ZNF180: variants seen among roughly 807,000 people sequenced by gnomAD.
ZNF180 encodes the protein zinc finger protein 180 (HHZ168).
In ZNF180, 11 loss-of-function variants were observed where a neutral mutation model predicts 11.8. The observed-to-expected ratio is 0.93, with a 90% CI of 0.59 to 1.55. The LOEUF is 1.55. Ranked by LOEUF, ZNF180 falls within the 40% of genes most tolerant of loss-of-function variation. The probability of loss-of-function intolerance (pLI) is 0.00; values close to 1 mark genes in which losing one functional copy is unlikely to be tolerated. For synonymous variants in ZNF180, 287 were observed against 257.7 expected, an observed-to-expected ratio of 1.11 and a Z score of -1.09; for missense variants, 773 against 781.7, an observed-to-expected ratio of 0.99 and a Z score of 0.13.
chr19:44,488,212 CACGGTCT>C (rs1970294723), intron 2 of ZNF180, among the ~76,000 whole-genome samples: 1 of 39,606 alleles, frequency 2.5e-5, no homozygotes, highest in Non-Finnish European at 4.6e-5. Context: ...CCTCTCTTTC[CACGGTCT>C]CCCTCTCCCT....
chr19:44,488,198 T>C (rs1970293047), intron 2 of ZNF180, among the ~76,000 whole-genome samples: 1 of 44,066 alleles, frequency 2.3e-5, no homozygotes, highest in Non-Finnish European at 4.2e-5. Flanking sequence ...ACGGTCTCCC[T>C]CTCCCTCTCT....
At chr19:44,497,468 G>T in intron 1 of ZNF180, 91 bp from the exon 2 acceptor site, 1 of 1,301,572 alleles carries the variant, frequency 7.7e-7, no homozygotes, top group Non-Finnish European at 1.0e-6. Context: ...CCAGGATGCA[G>T]GATGCATTCC....
intron 3 of ZNF180, among the ~76,000 whole-genome samples, chr19:44,482,121 C>A (rs1468445574): frequency 6.6e-6 from 1 of 152,168 alleles, no homozygotes; most frequent in Non-Finnish European, 1.5e-5. Context: ...GCCTGGGCAA[C>A]ATGGTGAAAC....
chr19:44,479,505 GTGACCTGGGAGT>G, intron 3 of ZNF180, 96 bp from the exon 4 acceptor site: 1 of 1,518,552 alleles, frequency 6.6e-7, no homozygotes, highest in Non-Finnish European at 8.9e-7. Flanking sequence ...AGGAAAATTG[GTGACCTGGGAGT>G]TGTCCTTAAA....
intron 2 of ZNF180, among the ~76,000 whole-genome samples, chr19:44,493,601 A>C (rs574347978): frequency 6.6e-6 from 1 of 152,344 alleles, no homozygotes; most frequent in Non-Finnish European, 1.5e-5. Flanking sequence ...CCTAGTATTC[A>C]TGCCTTTGTG....
intron 2 of ZNF180, 175 bp from the exon 3 acceptor site, chr19:44,484,610 G>A: frequency 1.6e-6 from 1 of 619,550 alleles, no homozygotes; most frequent in Non-Finnish European, 2.9e-6. Flanking sequence ...TGTGGAGAGA[G>A]AGAGGAGATA....
At chr19:44,492,415 T>C (rs28599882) in intron 2 of ZNF180, among the ~76,000 whole-genome samples, 6,221 of 152,284 alleles carry the variant, frequency 0.041, 342 homozygotes, top group African/African-American at 0.11. Flanking sequence ...CTCTAGGTCA[T>C]AAAGGAGCAT....
rs780505738 is a variant in ZNF180, at chr19:44,477,796, G to C, written c.604C>G (p.Leu202Val). 1 of 1,613,942 alleles carries C rather than the reference G, an allele frequency of 6.2e-7. No homozygotes were observed. The highest frequency in any genetic ancestry group is 1.7e-5 in the Admixed American group (1 of 60,010). ...TGATGACTGTTTACAGCAGCATTAAGATGCCATTTTTTAGCATGTGATACA... is the reference window on the plus strand; with the variant it reads ...TGATGACTGTTTACAGCAGCATTAACATGCCATTTTTTAGCATGTGATACA... ...KHVSHAKKWH[L>V]NAAVNSHQKI... The change falls in exon 5 of 5, where the codon CTT becomes GTT. Residue 202 changes from leucine to valine, a missense_variant. Coordinates refer to ENST00000592529, the MANE Select transcript of ZNF180 (RefSeq NM_001278509.3).
intron 2 of ZNF180, among the ~76,000 whole-genome samples, chr19:44,496,063 G>A (rs1970570693): frequency 6.6e-6 from 1 of 152,106 alleles, no homozygotes; most frequent in South Asian, 2.1e-4. Context: ...CTGTTGTCCA[G>A]GCTGCAGTGC....
At position 44,477,512 on chromosome 19, in the gene ZNF180, AG is replaced by A; in HGVS notation, c.887del (p.Pro296LeufsTer22). Reference sequence around the variant, plus strand: ...TACATTTATATTGACTCTCTTCAAAAGGAATTCTCTGTTGTTCATTATGGGA... The same window carrying A: ...TACATTTATATTGACTCTCTTCAAAAGAATTCTCTGTTGTTCATTATGGGA... ...KISHNEQQRI[P>X]FEESQYKCSE... is the part of the protein sequence containing the mutation. On this transcript the variant is annotated frameshift_variant, in exon 5 of 5. Coordinates refer to ENST00000592529, the MANE Select transcript of ZNF180 (RefSeq NM_001278509.3). LOFTEE classifies it low-confidence loss of function (END_TRUNC). 6.2e-7 allele frequency: 1 copy of A among 1,614,158 alleles called. No homozygotes were observed. Among genetic ancestry groups the A allele is most frequent in the Middle Eastern group, 1.6e-4 (1 of 6,062 alleles).
intron 2 of ZNF180, among the ~76,000 whole-genome samples, chr19:44,486,492 G>A (rs1368969547): frequency 2.0e-5 from 3 of 152,196 alleles, no homozygotes; most frequent in Non-Finnish European, 4.4e-5. Flanking sequence ...AATTCAGTCT[G>A]TTAAATGATA....
chr19:44,495,950 A>G lies in ZNF180; in HGVS notation c.51+1334T>C, dbSNP rs947155804. On this transcript the variant is annotated intron_variant, in intron 2 of 4. Transcript: ENST00000592529. The surrounding 1 kb of genome is among the most constrained non-coding windows in gnomAD (Gnocchi z 4.5). ...GACTTGTTCAGGAAGAGAAAGGAGA[A>G]GCTCTAATTTAACAGTTTTAAGAAA... 6.6e-6 allele frequency among the ~76,000 whole-genome samples: 1 copy of G among 152,236 alleles called. No individual in the cohort carries two copies. Among genetic ancestry groups the G allele is most frequent in the African/African-American group, 2.4e-5 (1 of 41,468 alleles).
intron 3 of ZNF180, among the ~76,000 whole-genome samples, chr19:44,481,657 G>C (rs527847033): frequency 3.3e-5 from 5 of 152,276 alleles, no homozygotes; most frequent in Non-Finnish European, 7.3e-5. Context: ...GATCCATGAA[G>C]GCAGGGACAA....
At chr19:44,497,242 G>A in intron 2 of ZNF180, 42 bp downstream of exon 2, 1 of 1,511,312 alleles carries the variant, frequency 6.6e-7, no homozygotes, top group Non-Finnish European at 8.8e-7. Context: ...AAGCTGAGAG[G>A]GTCAGGCTGC....
Position 44,477,761 on chromosome 19 carries a change from A to G in ZNF180, c.639T>C (p.Asn213=). Residue 213 remains asparagine, a synonymous_variant, in exon 5 of 5, where the codon AAT becomes AAC. Transcript: ENST00000592529. ...NAAVNSHQKI[N]ENETLYENNE... is the part of the protein sequence containing the mutation. Reference sequence around the variant, plus strand: ...TATTTTCATATAGTGTCTCATTCTCATTAATCTTCTGATGACTGTTTACAG... The same window carrying G: ...TATTTTCATATAGTGTCTCATTCTCGTTAATCTTCTGATGACTGTTTACAG... The G allele has an allele frequency of 6.2e-7, 1 of 1,613,952 alleles. No individual in the cohort carries two copies. Among genetic ancestry groups the G allele is most frequent in the Non-Finnish European group, 8.5e-7 (1 of 1,179,946 alleles).
intron 1 of ZNF180, 130 bp downstream of exon 1, chr19:44,500,145 C>T: frequency 1.2e-6 from 2 of 1,613,622 alleles, no homozygotes; most frequent in Non-Finnish European, 1.7e-6. Flanking sequence ...ACCCCGGTGA[C>T]CCGAGGCTAA....
intron 3 of ZNF180, among the ~76,000 whole-genome samples, chr19:44,483,327 T>C (rs1461395908): frequency 1.3e-5 from 2 of 152,222 alleles, no homozygotes; most frequent in African/African-American, 2.4e-5. Flanking sequence ...CCCTTGACCT[T>C]TGGAGTGTCC....
chr19:44,490,453 A>T (rs1970423729), intron 2 of ZNF180, among the ~76,000 whole-genome samples: 1 of 152,214 alleles, frequency 6.6e-6, no homozygotes, highest in Non-Finnish European at 1.5e-5. Flanking sequence ...TTTTGACCCC[A>T]AACTGTTAAT....
chr19:44,492,835 C>T (rs892074629), intron 2 of ZNF180, among the ~76,000 whole-genome samples: 2 of 152,142 alleles, frequency 1.3e-5, no homozygotes, highest in Admixed American at 6.5e-5. Flanking sequence ...AAAACACAGG[C>T]GTCACACAGG....
Sources: gnomAD v4.1 joint callset for allele counts (sites outside exome capture counted in the v4.1 genomes callset) on GRCh38, gnomAD v4.1.1 for gene constraint, Gnocchi (gnomAD v3.1) non-coding constraint, MANE v1.5 for transcripts, NCBI Gene and HGNC (gene_info 2026-07-23, HGNC 2026-07-21) for gene names.